PACRG: variants seen among roughly 807,000 people sequenced by gnomAD.
The protein encoded by PACRG is parkin coregulated gene protein.
A neutral mutation model predicts 29.7 loss-of-function variants in PACRG; 29 were observed. The ratio of observed to expected loss-of-function variants is 0.98; its 90% confidence interval spans 0.73 to 1.33. The LOEUF (loss-of-function observed/expected upper bound fraction) is 1.33, where lower values mean the gene tolerates loss of function less well. Among genes scored for constraint, PACRG ranks in the 40% most tolerant of loss-of-function variants. The pLI, the probability that PACRG is intolerant of heterozygous loss-of-function variation, is 0.00. For missense variants in PACRG, 279 were observed against 316.2 expected (o/e 0.88, Z 0.89); for synonymous variants, 116 against 118.7 (o/e 0.98, Z 0.15).
intron 2 of PACRG, among the ~76,000 whole-genome samples, chr6:163,025,590 G>C: frequency 6.6e-6 from 1 of 152,218 alleles, no homozygotes; most frequent in Non-Finnish European, 1.5e-5. Flanking sequence ...CCACCTTGTT[G>C]TGCAATTGTG....
chr6:163,227,416 T>C (rs1781850167), intron 4 of PACRG, among the ~76,000 whole-genome samples: 2 of 152,126 alleles, frequency 1.3e-5, no homozygotes, highest in Admixed American at 6.5e-5. Flanking sequence ...CCTCCAACAC[T>C]GGGGATTCCA....
intron 3 of PACRG, among the ~76,000 whole-genome samples, chr6:163,075,581 G>T (rs901536474): frequency 6.6e-6 from 1 of 152,110 alleles, no homozygotes; most frequent in Non-Finnish European, 1.5e-5. Flanking sequence ...TATTTCAGGA[G>T]TATAAGACTG....
chr6:163,302,984 T>C (rs554611491), intron 4 of PACRG, among the ~76,000 whole-genome samples: 1 of 152,322 alleles, frequency 6.6e-6, no homozygotes, highest in Non-Finnish European at 1.5e-5. Context: ...GAGTTCATCA[T>C]TTTAGAAATG....
intron 2 of PACRG, among the ~76,000 whole-genome samples, chr6:163,021,676 C>G (rs1169015228): frequency 6.6e-6 from 1 of 152,188 alleles, no homozygotes; most frequent in East Asian, 1.9e-4. Flanking sequence ...CTGGCTCCTT[C>G]CCTGAAGTCC....
chr6:163,069,338 T>C (rs958365510), intron 3 of PACRG, among the ~76,000 whole-genome samples: 1 of 125,112 alleles, frequency 8.0e-6, no homozygotes, highest in Non-Finnish European at 1.7e-5. Context: ...CCTGGAGAAA[T>C]AGAGATATGT....
chr6:162,850,957 C>T (rs1790807249), intron 2 of PACRG, among the ~76,000 whole-genome samples: 1 of 152,230 alleles, frequency 6.6e-6, no homozygotes, highest in Non-Finnish European at 1.5e-5. Flanking sequence ...TCCAGGTGAA[C>T]AGTGTCAGGA....
At chr6:162,734,689 T>C (rs1320558694) in intron 1 of PACRG, among the ~76,000 whole-genome samples, 2 of 152,200 alleles carry the variant, frequency 1.3e-5, no homozygotes, top group East Asian at 3.8e-4. Flanking sequence ...TCAAACAATT[T>C]ACTATTTTGT....
intron 2 of PACRG, among the ~76,000 whole-genome samples, chr6:163,007,264 A>G (rs1805203669): frequency 6.6e-6 from 1 of 152,104 alleles, no homozygotes; most frequent in Admixed American, 6.6e-5. Flanking sequence ...AGATCCTACA[A>G]TACATTATTA....
chr6:163,141,383 G>A (rs1380486928), intron 4 of PACRG, among the ~76,000 whole-genome samples: 1 of 151,172 alleles, frequency 6.6e-6, no homozygotes, highest in African/African-American at 2.4e-5. Flanking sequence ...ATAATGGCAA[G>A]TCCCAAAATT....
chr6:162,753,410 C>A (rs1479665643), intron 1 of PACRG, among the ~76,000 whole-genome samples: 1 of 152,138 alleles, frequency 6.6e-6, no homozygotes. Context: ...CACATTCATC[C>A]ATGTTGTTGC....
At chr6:163,107,889 G>A (rs920591481) in intron 4 of PACRG, among the ~76,000 whole-genome samples, 2 of 152,136 alleles carry the variant, frequency 1.3e-5, no homozygotes, top group Non-Finnish European at 1.5e-5. Context: ...CTAACATGTT[G>A]TTTGAAATTT....
intron 4 of PACRG, among the ~76,000 whole-genome samples, chr6:163,273,588 T>C (rs1488627755): frequency 6.6e-6 from 1 of 152,184 alleles, no homozygotes; most frequent in Non-Finnish European, 1.5e-5. Flanking sequence ...CTTCAATTTA[T>C]CCAAATTTCA....
At chr6:163,079,376 C>T (rs77205210) in intron 3 of PACRG, among the ~76,000 whole-genome samples, 1,913 of 148,436 alleles carry the variant, frequency 0.013, 53 homozygotes, top group African/African-American at 0.046. Context: ...ATCATTAGTG[C>T]GTATTACTTG....
chr6:163,262,599 G>C (rs1259509707), intron 4 of PACRG, among the ~76,000 whole-genome samples: 1 of 151,692 alleles, frequency 6.6e-6, no homozygotes, highest in Admixed American at 6.6e-5. Context: ...GGTTGATCTC[G>C]ATGCTCAGAC....
intron 3 of PACRG, among the ~76,000 whole-genome samples, chr6:163,083,787 G>T (rs1053656947): frequency 6.6e-6 from 1 of 151,738 alleles, no homozygotes; most frequent in Non-Finnish European, 1.5e-5. Context: ...TTAGAATTTT[G>T]TTTGCTTTTG....
intron 2 of PACRG, among the ~76,000 whole-genome samples, chr6:162,987,453 G>C (rs1258472438): frequency 1.3e-5 from 2 of 152,116 alleles, no homozygotes. Context: ...CACATGTCAT[G>C]GGAGGGAGGT....
In PACRG at chr6:163,110,789, A is replaced by G. The variant is rs375691141; in HGVS notation, c.613+21381A>G. On this transcript the variant is annotated intron_variant, in intron 4 of 4. Coordinates refer to ENST00000366888, the MANE Select transcript of PACRG (RefSeq NM_001080379.2). ...AAACCAGCTAACTGAAGCAGAGTAA[A>G]TGAAGCAAACACCGCCTCTTGAAAG... is the stretch of plus-strand genomic sequence containing the variant. 6.6e-5 allele frequency among the ~76,000 whole-genome samples: 10 copies of G among 152,316 alleles called. No homozygotes were observed. The East Asian group carries it at 1.5e-3, about 24-fold the overall frequency.
intron 4 of PACRG, among the ~76,000 whole-genome samples, chr6:163,149,132 G>A (rs1235909214): frequency 6.6e-6 from 1 of 151,918 alleles, no homozygotes; most frequent in Admixed American, 6.6e-5. Flanking sequence ...CTCCTGCCCC[G>A]GCCCTGCCAC....
chr6:162,814,384 C>T, intron 2 of PACRG, 103 bp downstream of exon 2: 5 of 1,433,552 alleles, frequency 3.5e-6, no homozygotes, highest in Non-Finnish European at 4.8e-6. Context: ...GGAGTCATTT[C>T]TCAGCACATG....
Sources: allele counts gnomAD v4.1 joint callset (sites outside exome capture counted in the v4.1 genomes callset), GRCh38; gene constraint gnomAD v4.1.1; transcripts MANE v1.5; gene names NCBI Gene and HGNC (gene_info 2026-07-23, HGNC 2026-07-21).